IGSF5: variants seen among roughly 807,000 people sequenced by gnomAD.
IGSF5 encodes immunoglobulin superfamily 5 like.
A neutral mutation model predicts 39.4 loss-of-function variants in IGSF5; 41 were observed. The ratio of observed to expected loss-of-function variants is 1.04; its 90% CI spans 0.81 to 1.35. The LOEUF (loss-of-function observed/expected upper bound fraction) is 1.35. Among genes scored for constraint, IGSF5 ranks in the 40% most tolerant of loss-of-function variants. The pLI is 0.00. For missense variants in IGSF5, 487 were observed against 494.6 expected (o/e 0.98, Z 0.15); for synonymous variants, 183 against 175.3 (o/e 1.04, Z -0.34).
At chr21:39,726,847 T>G in the IGSF5 span, among the ~76,000 whole-genome samples, 15 of 151,996 alleles carry the variant, frequency 9.9e-5, no homozygotes, top group Non-Finnish European at 2.1e-4. Flanking sequence ...GGACCCATTT[T>G]ATCATCAAAG....
chr21:39,762,999 G>A (rs2080068733), intron 2 of IGSF5, among the ~76,000 whole-genome samples: 1 of 152,178 alleles, frequency 6.6e-6, no homozygotes, highest in Non-Finnish European at 1.5e-5. Context: ...AGAGGAAAGG[G>A]AGGTTTTAAG....
chr21:39,755,040 G>A (rs1177247025), intron 2 of IGSF5, among the ~76,000 whole-genome samples: 2 of 152,192 alleles, frequency 1.3e-5, no homozygotes, highest in African/African-American at 4.8e-5. Flanking sequence ...GGAGTGTTGA[G>A]TAAGTTAAGC....
At chr21:39,738,219 A>G in the IGSF5 span, among the ~76,000 whole-genome samples, 1 of 152,132 alleles carries the variant, frequency 6.6e-6, no homozygotes, top group Admixed American at 6.5e-5. This position sits in a 1 kb window ranked among gnomAD's most constrained non-coding sequence, Gnocchi z 6.4. Context: ...CATAATCATG[A>G]CAGAAGGCAA....
intron 2 of IGSF5, among the ~76,000 whole-genome samples, chr21:39,763,529 G>C (rs539245787): frequency 6.6e-5 from 10 of 152,296 alleles, no homozygotes; most frequent in African/African-American, 2.4e-4. Context: ...GTGGCCTCCG[G>C]GGTACATAAA....
intron 2 of IGSF5, among the ~76,000 whole-genome samples, chr21:39,747,306 AGTATGGG>A: frequency 6.6e-6 from 1 of 152,356 alleles, no homozygotes; most frequent in South Asian, 2.1e-4. Context: ...ACCAGAGAAC[AGTATGGG>A]GAAACTGCCG....
At chr21:39,785,374 C>A (rs1005144033) in intron 5 of IGSF5, among the ~76,000 whole-genome samples, 1 of 152,016 alleles carries the variant, frequency 6.6e-6, no homozygotes, top group Admixed American at 6.6e-5. Flanking sequence ...TGTAGATATG[C>A]GGTGTTATTT....
At chr21:39,794,331 A>G (rs148772809) in intron 8 of IGSF5, among the ~76,000 whole-genome samples, 11 of 152,252 alleles carry the variant, frequency 7.2e-5, no homozygotes, top group African/African-American at 1.7e-4. Context: ...GTCCACATGG[A>G]GATGCTGAAG....
intron 4 of IGSF5, among the ~76,000 whole-genome samples, chr21:39,776,300 T>C (rs1188108134): frequency 1.3e-5 from 2 of 152,060 alleles, no homozygotes; most frequent in African/African-American, 4.8e-5. Context: ...TCATGCCTCT[T>C]GCTGACTCGT....
At chr21:39,783,513 G>C (rs369259861) in intron 5 of IGSF5, among the ~76,000 whole-genome samples, 1 of 152,094 alleles carries the variant, frequency 6.6e-6, no homozygotes, top group African/African-American at 2.4e-5. Flanking sequence ...ACATGTCTAA[G>C]AAGACATCTA....
intron 4 of IGSF5, among the ~76,000 whole-genome samples, chr21:39,776,402 G>T (rs1459567455): frequency 6.6e-6 from 1 of 152,156 alleles, no homozygotes; most frequent in East Asian, 1.9e-4. Flanking sequence ...TTCCAATGGA[G>T]CATGGTCACA....
At chr21:39,736,228 CA>C in the IGSF5 span, among the ~76,000 whole-genome samples, 1 of 152,286 alleles carries the variant, frequency 6.6e-6, no homozygotes, top group African/African-American at 2.4e-5. Context: ...CACCTGAGTA[CA>C]AACCCCCTTT....
chr21:39,801,157 G>A (rs201305545), intron 8 of IGSF5, 105 bp from the exon 9 acceptor site: 10 of 786,208 alleles, frequency 1.3e-5, no homozygotes, highest in South Asian at 6.3e-5. Flanking sequence ...GTTCCTCTCC[G>A]TACCTTAATT....
At chr21:39,718,401 G>A in the IGSF5 span, among the ~76,000 whole-genome samples, 2 of 152,192 alleles carry the variant, frequency 1.3e-5, no homozygotes, top group East Asian at 1.9e-4. Context: ...TGGAAGTGGT[G>A]AGAGAGGGTA....
At chr21:39,749,502 C>T (rs146883085) in intron 2 of IGSF5, among the ~76,000 whole-genome samples, 45 of 152,320 alleles carry the variant, frequency 3.0e-4, no homozygotes, top group African/African-American at 9.1e-4. Flanking sequence ...CATGAGCCAC[C>T]GTGCCCAGCC....
At chr21:39,748,634 C>T (rs975323600) in intron 2 of IGSF5, among the ~76,000 whole-genome samples, 2 of 152,094 alleles carry the variant, frequency 1.3e-5, no homozygotes, top group Admixed American at 1.3e-4. Flanking sequence ...GACCTTATGA[C>T]CTTTCAAAGG....
intron 5 of IGSF5, among the ~76,000 whole-genome samples, chr21:39,784,642 A>C (rs2080188205): frequency 6.6e-6 from 1 of 150,876 alleles, no homozygotes; most frequent in Non-Finnish European, 1.5e-5. Flanking sequence ...GTAAGTCCAG[A>C]TAAGGCTACA....
chr21:39,746,349 A>G (rs2079974791), intron 2 of IGSF5, 51 bp downstream of exon 2: 1 of 692,094 alleles, frequency 1.4e-6, no homozygotes, highest in African/African-American at 1.7e-5. Flanking sequence ...AGAAGAGTGC[A>G]GTTGCAAGAT....
chr21:39,765,326 G>C (rs956902312), intron 2 of IGSF5, among the ~76,000 whole-genome samples: 1 of 152,178 alleles, frequency 6.6e-6, no homozygotes, highest in African/African-American at 2.4e-5. Flanking sequence ...GAGTTAGGGG[G>C]TAGAGTGGAA....
chr21:39,778,720 G>A (rs941977466), intron 4 of IGSF5, among the ~76,000 whole-genome samples: 1 of 152,190 alleles, frequency 6.6e-6, no homozygotes, highest in African/African-American at 2.4e-5. Flanking sequence ...TTGTCCAGCA[G>A]TAGTGCTCAA....
Sources: allele counts gnomAD v4.1 joint callset (sites outside exome capture counted in the v4.1 genomes callset), GRCh38; gene constraint gnomAD v4.1.1; non-coding constraint Gnocchi (gnomAD v3.1); transcripts MANE v1.5; gene names NCBI Gene and HGNC (gene_info 2026-07-23, HGNC 2026-07-21).